Variants in GPC6 observed in about 807,000 individuals in gnomAD.
The protein encoded by GPC6 is glypican 6.
Under a neutral mutation model 55.2 loss-of-function variants are expected in GPC6, and 14 were observed. That is an observed-to-expected ratio of 0.25 (90% CI 0.17 to 0.40). The LOEUF is 0.40. Among genes scored for constraint, GPC6 ranks in the 10% least tolerant of loss-of-function variants. The probability of loss-of-function intolerance (pLI) is 1.00; values close to 1 mark genes in which losing one functional copy is unlikely to be tolerated. For missense variants in GPC6, 641 were observed against 708.5 expected, an observed-to-expected ratio of 0.90 and a Z score of 1.08; for synonymous variants, 278 against 259.6, an observed-to-expected ratio of 1.07 and a Z score of -0.68.
rs1362533006 is a variant in GPC6 at position 94,286,478 on chromosome 13, AG to A, written c.1008+1del. The stretch of plus-strand genomic sequence containing the variant: ...GAAAACAGCATGCAGGTGTCTGCAA[AG>A]GTATTTGCATTAGTAATGTATCTGC... ...MQENSMQVSA[K>X]VFQGCGQPKP... On this transcript the variant is annotated frameshift_variant and splice_region_variant, in exon 5 of 9. Transcript: ENST00000377047. LOFTEE classifies it high-confidence loss of function. 1.2e-6 allele frequency: 2 copies of A among 1,613,262 alleles called. No individual in the cohort carries two copies.
At chr13:93,560,027 G>A (rs756774579) in intron 2 of GPC6, among the ~76,000 whole-genome samples, 2 of 152,024 alleles carry the variant, frequency 1.3e-5, no homozygotes, top group African/African-American at 2.4e-5. Flanking sequence ...CTGTGCCTTC[G>A]CTGCACAGTC....
chr13:93,440,255 A>G (rs1340505835), intron 1 of GPC6, among the ~76,000 whole-genome samples: 1 of 152,174 alleles, frequency 6.6e-6, no homozygotes, highest in Non-Finnish European at 1.5e-5. Flanking sequence ...TGATTTCTGG[A>G]ACTCCCTGTC....
At chr13:93,442,421 A>G (rs538825999) in intron 1 of GPC6, among the ~76,000 whole-genome samples, 24 of 152,218 alleles carry the variant, frequency 1.6e-4, no homozygotes, top group Admixed American at 1.1e-3. Flanking sequence ...TTTGAAGATT[A>G]CATGTGTACC....
intron 1 of GPC6, among the ~76,000 whole-genome samples, chr13:93,231,511 T>C (rs1366312110): frequency 6.7e-6 from 1 of 150,230 alleles, no homozygotes; most frequent in Non-Finnish European, 1.5e-5. Flanking sequence ...TACGTTTCTA[T>C]TTTGTTCCAA....
At chr13:93,374,616 G>A (rs1288474502) in intron 1 of GPC6, among the ~76,000 whole-genome samples, 1 of 152,118 alleles carries the variant, frequency 6.6e-6, no homozygotes, top group Non-Finnish European at 1.5e-5. Context: ...ACTTGGATTT[G>A]GCATCACCAA....
chr13:93,415,659 G>A (rs563223282), intron 1 of GPC6, among the ~76,000 whole-genome samples: 1 of 152,140 alleles, frequency 6.6e-6, no homozygotes, highest in East Asian at 1.9e-4. Context: ...TGTTGTTGTT[G>A]CTGTTTGTTC....
chr13:93,290,794 T>C (rs1411723425), intron 1 of GPC6, among the ~76,000 whole-genome samples: 1 of 152,188 alleles, frequency 6.6e-6, no homozygotes, highest in East Asian at 1.9e-4. Context: ...ATACATGATA[T>C]GGTCCTAGAT....
intron 1 of GPC6, among the ~76,000 whole-genome samples, chr13:93,520,860 A>T (rs1881391880): frequency 6.6e-6 from 1 of 151,932 alleles, no homozygotes; most frequent in Non-Finnish European, 1.5e-5. Flanking sequence ...CTATACAGGC[A>T]TGGAGATGAC....
At chr13:94,107,250 T>C (rs935445404) in intron 4 of GPC6, among the ~76,000 whole-genome samples, 5 of 152,122 alleles carry the variant, frequency 3.3e-5, no homozygotes, top group Admixed American at 1.3e-4. Context: ...TGTTTCACTG[T>C]GGGGAACCTT....
intron 4 of GPC6, among the ~76,000 whole-genome samples, chr13:94,244,484 A>G (rs1053196710): frequency 6.6e-6 from 1 of 152,164 alleles, no homozygotes; most frequent in Non-Finnish European, 1.5e-5. Context: ...TTGACCAAAT[A>G]TGCAAGGAGA....
intron 4 of GPC6, among the ~76,000 whole-genome samples, chr13:94,062,211 A>C (rs1884355501): frequency 6.6e-6 from 1 of 151,992 alleles, no homozygotes; most frequent in African/African-American, 2.4e-5. Context: ...TAACTATGTG[A>C]GATCTTACCC....
intron 6 of GPC6, among the ~76,000 whole-genome samples, chr13:94,349,830 G>A (rs866353431): frequency 3.3e-5 from 5 of 152,042 alleles, no homozygotes; most frequent in South Asian, 2.1e-4. Flanking sequence ...ACACAGTCTC[G>A]GGTGATTCTT....
chr13:93,625,558 C>T (rs555055248), intron 2 of GPC6, among the ~76,000 whole-genome samples: 4 of 152,272 alleles, frequency 2.6e-5, no homozygotes, highest in East Asian at 1.9e-4. Context: ...GAGCCTTCTG[C>T]GCAGGACAGG....
chr13:94,126,873 G>C (rs1886837039), intron 4 of GPC6, among the ~76,000 whole-genome samples: 1 of 152,044 alleles, frequency 6.6e-6, no homozygotes, highest in South Asian at 2.1e-4. Context: ...ATTGCCTTCA[G>C]GCAGCCATTA....
chr13:94,108,454 A>G (rs1380388491), intron 4 of GPC6, among the ~76,000 whole-genome samples: 3 of 152,092 alleles, frequency 2.0e-5, no homozygotes, highest in East Asian at 3.9e-4. Flanking sequence ...TGACGGGTGC[A>G]CCGAAATCTC....
At chr13:93,403,541 A>G (rs775413026) in intron 1 of GPC6, among the ~76,000 whole-genome samples, 1 of 152,232 alleles carries the variant, frequency 6.6e-6, no homozygotes, top group Non-Finnish European at 1.5e-5. Flanking sequence ...AAGATGGCAT[A>G]GTCAATGCTC....
chr13:94,331,551 T>G (rs1877418596), intron 6 of GPC6, among the ~76,000 whole-genome samples: 1 of 152,170 alleles, frequency 6.6e-6, no homozygotes, highest in South Asian at 2.1e-4. Flanking sequence ...CTATCTGCAT[T>G]GTAGCCACAA....
intron 2 of GPC6, among the ~76,000 whole-genome samples, chr13:93,743,370 C>T (rs184538553): frequency 8.5e-5 from 13 of 152,104 alleles, no homozygotes; most frequent in East Asian, 1.9e-4. Flanking sequence ...AATTAAAAAA[C>T]GATATAATGT....
At chr13:94,011,164 A>G (rs1394778964) in intron 3 of GPC6, among the ~76,000 whole-genome samples, 2 of 152,090 alleles carry the variant, frequency 1.3e-5, no homozygotes, top group East Asian at 3.9e-4. Flanking sequence ...CCAGGGAAAA[A>G]TTTTAGCAAA....
Sources: allele counts gnomAD v4.1 joint callset (sites outside exome capture counted in the v4.1 genomes callset), GRCh38; gene constraint gnomAD v4.1.1; transcripts MANE v1.5; gene names NCBI Gene and HGNC (gene_info 2026-07-23, HGNC 2026-07-21).